The following DOCK10 variants were observed in gnomAD, a reference collection of about 807,000 sequenced individuals.
DOCK10 encodes dedicator of cytokinesis protein 10.
A neutral mutation model predicts 280.1 loss-of-function variants in DOCK10; 145 were observed. The ratio of observed to expected loss-of-function variants is 0.52; its 90% confidence interval spans 0.45 to 0.59. The LOEUF is 0.59. Ranked by LOEUF, DOCK10 falls within the 20% of genes least tolerant of loss-of-function variation. The probability of loss-of-function intolerance (pLI) is 0.00; values close to 1 mark genes in which losing one functional copy is unlikely to be tolerated. For synonymous variants in DOCK10, 915 were observed against 942.2 expected (o/e 0.97, Z 0.53); for missense variants, 2,368 against 2,651.7 (o/e 0.89, Z 2.35).
chr2:224,869,845 C>T (rs1332347558), intron 11 of DOCK10, among the ~76,000 whole-genome samples: 1 of 152,064 alleles, frequency 6.6e-6, no homozygotes, highest in Non-Finnish European at 1.5e-5. Flanking sequence ...GTCATATGCC[C>T]CTGGCAGTAG....
rs548429011 is a variant in DOCK10, at chr2:224,827,035, G to A, written c.3037-3388C>T. ...TCCAGCACTTTGGGAGGCTGAGGTG[G>A]GTGGATCACCTAAGGTCAGGAGTTG... On this transcript the variant is annotated intron_variant, in intron 27 of 55. Coordinates refer to ENST00000258390, the MANE Select transcript of DOCK10 (RefSeq NM_014689.3). 2.6e-5 allele frequency among the ~76,000 whole-genome samples: 4 copies of A among 152,006 alleles called. No homozygotes were observed. The South Asian group carries it at 8.3e-4, about 32-fold the overall frequency.
At chr2:224,789,770 A>G (rs1421449094) in intron 47 of DOCK10, among the ~76,000 whole-genome samples, 3 of 141,842 alleles carry the variant, frequency 2.1e-5, no homozygotes, top group Admixed American at 7.1e-5. Context: ...AGACAAGACA[A>G]TGCCCAATAC....
chr2:224,773,724 TG>T (rs1690616579), intron 52 of DOCK10, among the ~76,000 whole-genome samples: 3 of 152,070 alleles, frequency 2.0e-5, no homozygotes, highest in African/African-American at 7.2e-5. Flanking sequence ...CTCCGCCTTC[TG>T]GGTTCAAGTG....
At chr2:224,883,814 T>C (rs1209219231) in intron 7 of DOCK10, among the ~76,000 whole-genome samples, 1 of 152,236 alleles carries the variant, frequency 6.6e-6, no homozygotes, top group Non-Finnish European at 1.5e-5. Flanking sequence ...AGTTCTATGA[T>C]TCTTTGAAGA....
chr2:224,933,070 G>C (rs1702487979), intron 1 of DOCK10, among the ~76,000 whole-genome samples: 1 of 152,088 alleles, frequency 6.6e-6, no homozygotes, highest in African/African-American at 2.4e-5. Context: ...AAGATGGCTA[G>C]TTTAGTAAAA....
chr2:224,932,148 C>T (rs563161256), intron 1 of DOCK10, among the ~76,000 whole-genome samples: 2 of 152,308 alleles, frequency 1.3e-5, no homozygotes, highest in African/African-American at 4.8e-5. Flanking sequence ...GTCACGAACA[C>T]ATGGATCCTG....
intron 15 of DOCK10, among the ~76,000 whole-genome samples, chr2:224,855,344 T>C (rs1231411130): frequency 4.6e-5 from 7 of 152,230 alleles, no homozygotes; most frequent in Admixed American, 4.6e-4. Flanking sequence ...ATCAAAAAAG[T>C]ACAAGAGTAA....
intron 50 of DOCK10, among the ~76,000 whole-genome samples, chr2:224,778,839 A>G (rs552981881): frequency 2.0e-5 from 3 of 152,324 alleles, no homozygotes; most frequent in African/African-American, 7.2e-5. Context: ...TATGCTCCCA[A>G]GTACTGCTAT....
chr2:224,992,671 T>C (rs1706161243), intron 1 of DOCK10, among the ~76,000 whole-genome samples: 1 of 152,236 alleles, frequency 6.6e-6, no homozygotes, highest in Admixed American at 6.5e-5. Flanking sequence ...CAACTGCAGT[T>C]CCCAAGAGGA....
At chr2:224,986,156 C>T (rs1257380378) in intron 1 of DOCK10, among the ~76,000 whole-genome samples, 2 of 152,176 alleles carry the variant, frequency 1.3e-5, no homozygotes, top group Admixed American at 6.5e-5. Context: ...AGGTTTTCTG[C>T]TATCCTCTAT....
intron 11 of DOCK10, among the ~76,000 whole-genome samples, chr2:224,871,014 A>T (rs563716710): frequency 2.0e-5 from 3 of 151,708 alleles, no homozygotes; most frequent in South Asian, 2.1e-4. Context: ...TTTTGTAGAG[A>T]CAAGGTTTTG....
intron 29 of DOCK10, 55 bp downstream of exon 29, chr2:224,819,387 CTTTA>C: frequency 8.4e-7 from 1 of 1,193,924 alleles, no homozygotes; most frequent in Non-Finnish European, 1.2e-6. Flanking sequence ...ACAGAGACTA[CTTTA>C]TTTATTTACA....
chr2:225,038,154 T>C (rs1227516439), intron 1 of DOCK10, among the ~76,000 whole-genome samples: 2 of 152,170 alleles, frequency 1.3e-5, no homozygotes, highest in African/African-American at 4.8e-5. Context: ...ACCAGGCCCT[T>C]ATATTGCATA....
At chr2:224,871,469 T>A (rs1345470171) in intron 11 of DOCK10, among the ~76,000 whole-genome samples, 1 of 152,156 alleles carries the variant, frequency 6.6e-6, no homozygotes, top group Non-Finnish European at 1.5e-5. Flanking sequence ...AGCCTCCTAA[T>A]TCTTCTTCTT....
chr2:224,998,313 A>ATGAG (rs1706328781), intron 1 of DOCK10, among the ~76,000 whole-genome samples: 1 of 151,614 alleles, frequency 6.6e-6, no homozygotes, highest in East Asian at 1.9e-4. Flanking sequence ...CTGCATAAAA[A>ATGAG]TGAACAAGGA....
intron 2 of DOCK10, among the ~76,000 whole-genome samples, chr2:224,924,628 C>T (rs1403790912): frequency 6.6e-6 from 1 of 152,178 alleles, no homozygotes; most frequent in Admixed American, 6.5e-5. Context: ...GGGTTATTCT[C>T]ATTTTGGGGC....
intron 11 of DOCK10, among the ~76,000 whole-genome samples, chr2:224,869,927 G>A (rs1221389404): frequency 6.6e-6 from 1 of 151,992 alleles, no homozygotes; most frequent in Non-Finnish European, 1.5e-5. Context: ...TATGTTCTGG[G>A]TCAAAAAAAG....
intron 1 of DOCK10, among the ~76,000 whole-genome samples, chr2:225,013,911 C>A (rs1243821838): frequency 6.6e-6 from 1 of 151,804 alleles, no homozygotes; most frequent in Non-Finnish European, 1.5e-5. Context: ...TAGTAAGTGA[C>A]AAAAAGTAGA....
At chr2:224,789,005 G>A (rs1691951897) in intron 48 of DOCK10, 59 bp downstream of exon 48, 1 of 1,049,328 alleles carries the variant, frequency 9.5e-7, no homozygotes, top group African/African-American at 1.6e-5. Flanking sequence ...TTAGCTTAAT[G>A]TCACAAGCCA....
Sources: gnomAD v4.1 joint callset for allele counts (sites outside exome capture counted in the v4.1 genomes callset) on GRCh38, gnomAD v4.1.1 for gene constraint, MANE v1.5 for transcripts, NCBI Gene and HGNC (gene_info 2026-07-23, HGNC 2026-07-21) for gene names.